The following EFL1 variants were observed in gnomAD, a reference collection of about 807,000 sequenced individuals.
EFL1 encodes elongation factor-like GTPase 1.
Under a neutral mutation model 126.7 loss-of-function variants are expected in EFL1, and 76 were observed. The ratio of observed to expected loss-of-function variants is 0.60; its 90% CI spans 0.50 to 0.73. The LOEUF (loss-of-function observed/expected upper bound fraction) is 0.73, where lower values mean the gene tolerates loss of function less well. Among genes scored for constraint, EFL1 ranks in the 30% least tolerant of loss-of-function variants. The pLI is 0.00. For synonymous variants in EFL1, 410 were observed against 448.4 expected, an observed-to-expected ratio of 0.91 and a Z score of 1.08; for missense variants, 1,128 against 1,343.2, an observed-to-expected ratio of 0.84 and a Z score of 2.50.
intron 14 of EFL1, among the ~76,000 whole-genome samples, chr15:82,218,252 G>A (rs1434388347): frequency 2.6e-5 from 4 of 152,118 alleles, no homozygotes; most frequent in Non-Finnish European, 5.9e-5. Context: ...CTAACACAAA[G>A]GATGAACACA....
chr15:82,186,326 G>C (rs1030461173), intron 15 of EFL1, among the ~76,000 whole-genome samples: 1 of 152,056 alleles, frequency 6.6e-6, no homozygotes, highest in Non-Finnish European at 1.5e-5. Flanking sequence ...GCAATAAGGG[G>C]GAAAGGCCAT....
intron 15 of EFL1, among the ~76,000 whole-genome samples, chr15:82,209,977 G>A (rs1050023646): frequency 1.3e-5 from 2 of 152,066 alleles, no homozygotes; most frequent in African/African-American, 2.4e-5. Flanking sequence ...TACTGACTCC[G>A]TATCATTTAT....
At chr15:82,180,955 T>A (rs1351040919) in intron 15 of EFL1, among the ~76,000 whole-genome samples, 1 of 152,156 alleles carries the variant, frequency 6.6e-6, no homozygotes, top group Non-Finnish European at 1.5e-5. Context: ...CTCGAACTTC[T>A]GGGCTCAAGC....
At position 82,240,648 on chromosome 15, in the gene EFL1, C is replaced by T; in HGVS notation, c.379-93G>A. 7.0e-6 allele frequency: 10 copies of T among 1,429,432 alleles called. No individual in the cohort carries two copies. The South Asian group carries it at 1.1e-4, about 15-fold the overall frequency. The allele number at this position is 1,429,432 out of a possible 1,614,324, so 88.5% of individuals were successfully genotyped here. Reference sequence around the variant, plus strand: ...TGATTAATAACCACTCTAGACTATGCCAGTCAGACAAAGGTATTCATTAGG... The same window carrying T: ...TGATTAATAACCACTCTAGACTATGTCAGTCAGACAAAGGTATTCATTAGG... On this transcript the variant is annotated intron_variant, in intron 5 of 19. Coordinates refer to ENST00000268206, the MANE Select transcript of EFL1 (RefSeq NM_024580.6).
chr15:82,163,765 A>G, intron 16 of EFL1, 88 bp downstream of exon 16: 1 of 1,468,556 alleles, frequency 6.8e-7, no homozygotes, highest in Non-Finnish European at 9.1e-7. Context: ...ATACTGCTGA[A>G]ACAAGTCATG....
intron 16 of EFL1, among the ~76,000 whole-genome samples, chr15:82,162,602 C>A (rs1052855747): frequency 6.6e-6 from 1 of 152,164 alleles, no homozygotes; most frequent in African/African-American, 2.4e-5. Flanking sequence ...TGGGATAAAT[C>A]CGTGTAGCAA....
rs893861634 is a variant in EFL1, at chr15:82,227,664, A to G, written c.1070-92T>C. The stretch of plus-strand genomic sequence containing the variant: ...TATGCACTAAATATTGAGGTAACAA[A>G]GTCTGTCCATACAGAAAATGCCTGT... On this transcript the variant is annotated intron_variant, in intron 10 of 19. Transcript: ENST00000268206. The G allele has an allele frequency of 9.6e-6, 15 of 1,557,378 alleles. No homozygotes were observed. The African/African-American group carries it at 2.0e-4, about 21-fold the overall frequency.
intron 7 of EFL1, among the ~76,000 whole-genome samples, chr15:82,233,229 CA>C (rs1393184724): frequency 6.6e-6 from 1 of 152,146 alleles, no homozygotes; most frequent in Non-Finnish European, 1.5e-5. Flanking sequence ...TGCTTAACAT[CA>C]ACCCATTCGA....
intron 15 of EFL1, among the ~76,000 whole-genome samples, chr15:82,177,184 C>T: frequency 6.6e-6 from 1 of 152,150 alleles, no homozygotes; most frequent in South Asian, 2.1e-4. Context: ...TCAAGCTGTG[C>T]ATTTAAGATT....
At chr15:82,237,100 G>A (rs879404429) in intron 7 of EFL1, among the ~76,000 whole-genome samples, 4 of 152,078 alleles carry the variant, frequency 2.6e-5, no homozygotes, top group South Asian at 2.1e-4. Flanking sequence ...CCAAGATTGC[G>A]TCACTGCACT....
chr15:82,221,011 C>G (rs1400250707), intron 12 of EFL1, among the ~76,000 whole-genome samples: 4 of 152,146 alleles, frequency 2.6e-5, no homozygotes, highest in Admixed American at 2.6e-4. Flanking sequence ...TATGAACCTA[C>G]CTGCATGCTC....
chr15:82,163,867 T>C lies in EFL1; in HGVS notation c.1868A>G (p.Glu623Gly). ...EATPIVRVAV[E>G]PKHPSEMPQL... ...GGTCATCTTACTTGGATGTTTTGGT[T>C]CAACAGCAACTCTCACAATAGGAGT... The change falls in exon 16 of 20, where the codon GAA becomes GGA. Residue 623 changes from glutamate (E) to glycine (G), a missense_variant. By Grantham distance (98) the Glu-to-Gly change is moderately conservative. Transcript: ENST00000268206. 1.9e-6 allele frequency: 3 copies of C among 1,614,052 alleles called. No individual in the cohort carries two copies. Among genetic ancestry groups the C allele is most frequent in the Non-Finnish European group, 2.5e-6 (3 of 1,179,992 alleles).
At chr15:82,240,605 G>C (rs371836639) in intron 5 of EFL1, 50 bp from the exon 6 acceptor site, 55 of 1,599,962 alleles carry the variant, frequency 3.4e-5, no homozygotes, top group Non-Finnish European at 4.4e-5. Flanking sequence ...GAAATAATTA[G>C]AGCACATTAG....
chr15:82,209,884 A>C (rs2074566279), intron 15 of EFL1, among the ~76,000 whole-genome samples: 1 of 152,240 alleles, frequency 6.6e-6, no homozygotes. Context: ...ACTTTGACTG[A>C]ATAATGCTGA....
At chr15:82,146,261 A>T (rs1305462679) in intron 18 of EFL1, among the ~76,000 whole-genome samples, 1 of 152,194 alleles carries the variant, frequency 6.6e-6, no homozygotes, top group Non-Finnish European at 1.5e-5. Flanking sequence ...TTAAAAAAAG[A>T]CTAAGGAAAT....
Position 82,130,423 on chromosome 15 carries a change from TTTC to T in EFL1, c.3310_3312del (p.Glu1104del). The T allele has an allele frequency of 6.2e-7, 1 of 1,614,200 alleles. No individual in the cohort carries two copies. ...TGCTTTTCTGCATGCTCCACAATCT[TTTC>T]TTCCACATAAAGCCCCTTCCGCTTT... On this transcript the variant is annotated inframe_deletion, in exon 20 of 20. Coordinates refer to ENST00000268206, the MANE Select transcript of EFL1 (RefSeq NM_024580.6).
chr15:82,220,027 T>G (rs774860991), intron 13 of EFL1, 51 bp downstream of exon 13: 14 of 1,544,532 alleles, frequency 9.1e-6, no homozygotes, highest in Non-Finnish European at 1.2e-5. Context: ...TGTCCCAAGT[T>G]AAGCAAAAAG....
intron 6 of EFL1, among the ~76,000 whole-genome samples, chr15:82,239,274 C>G (rs932647467): frequency 1.3e-5 from 2 of 152,090 alleles, no homozygotes; most frequent in African/African-American, 4.8e-5. Flanking sequence ...GTAGCTGGGA[C>G]TACAGGGGCC....
intron 15 of EFL1, among the ~76,000 whole-genome samples, chr15:82,181,829 C>T (rs748676545): frequency 2.2e-4 from 34 of 152,166 alleles, no homozygotes; most frequent in Non-Finnish European, 4.7e-4. Context: ...TGGCATAACA[C>T]AAGCCTTTAA....
Sources: allele counts gnomAD v4.1 joint callset (sites outside exome capture counted in the v4.1 genomes callset), GRCh38; gene constraint gnomAD v4.1.1; transcripts MANE v1.5; gene names NCBI Gene and HGNC (gene_info 2026-07-23, HGNC 2026-07-21).